Variants in PTH1R observed in about 807,000 individuals in gnomAD.
PTH1R encodes the protein parathyroid hormone/parathyroid hormone-related peptide receptor.
Under a neutral mutation model 70.7 loss-of-function variants are expected in PTH1R, and 32 were observed. That is an observed-to-expected ratio of 0.45 (90% CI 0.34 to 0.61). The LOEUF is 0.61. PTH1R is among the 20% of genes least tolerant of loss of function. The pLI, the probability that PTH1R is intolerant of heterozygous loss-of-function variation, is 0.01. For missense variants in PTH1R, 626 were observed against 792.5 expected (o/e 0.79, Z 2.52); for synonymous variants, 329 against 324.8 (o/e 1.01, Z -0.14).
Position 46,901,391 on chromosome 3 carries a change from G to T in PTH1R, c.1050-23G>T. The T allele has an allele frequency of 5.1e-6, 8 of 1,558,650 alleles. No individual in the cohort carries two copies. Among genetic ancestry groups the T allele is most frequent in the Non-Finnish European group, 6.1e-6 (7 of 1,150,622 alleles). The stretch of plus-strand genomic sequence containing the variant: ...TAGGATGGGAACAGGAGGGATGGGA[G>T]CTAATGCCTCAACCTCCCCCAGGTG... On this transcript the variant is annotated intron_variant, in intron 11 of 15. Transcript: ENST00000449590. The surrounding 1 kb of genome is among the most constrained non-coding windows in gnomAD (Gnocchi z 7.3).
chr3:46,883,625 G>T lies in PTH1R; in HGVS notation c.66G>T (p.Ala22=), dbSNP rs1023200257. Residue 22 remains alanine, a synonymous_variant, in exon 3 of 16, where the codon GCG becomes GCT. Transcript: ENST00000449590. The surrounding 1 kb of genome is among the most constrained non-coding windows in gnomAD (Gnocchi z 6.4). ...TCTGCTGCCCCGTGCTCAGCTCCGC[G>T]TACGCGCTGGTGAGTCCCCCGCCGC... ...LLLCCPVLSS[A]YALVDADDVM... 6.5e-7 allele frequency: 1 copy of T among 1,545,232 alleles called. No homozygotes were observed. The highest frequency in any genetic ancestry group is 8.7e-7 in the Non-Finnish European group (1 of 1,146,742).
At position 46,898,868 on chromosome 3, in the gene PTH1R, C is replaced by T; in HGVS notation, c.834+11C>T. 5 of 1,507,438 alleles carry T rather than the reference C, an allele frequency of 3.3e-6. No homozygotes were observed. Among genetic ancestry groups the T allele is most frequent in the Non-Finnish European group, 4.4e-6 (5 of 1,127,524 alleles). 93.4% of individuals were successfully genotyped at this position (1,507,438 alleles called of 1,614,324 possible). A position where few individuals can be genotyped will look rare whatever the true frequency, so the allele number is the denominator to read the frequency against. The stretch of plus-strand genomic sequence containing the variant: ...GCCGCTGCCGGCTACGTGAGTACCC[C>T]TCTGCCCGCCCGCTCCCGGTGCCGC... On this transcript the variant is annotated intron_variant, in intron 9 of 15. Transcript: ENST00000449590.
At chr3:46,885,784 G>A (rs77644242) in intron 3 of PTH1R, among the ~76,000 whole-genome samples, 2,609 of 152,230 alleles carry the variant, frequency 0.017, 74 homozygotes, top group African/African-American at 0.058. Flanking sequence ...ACTCATCTGG[G>A]GCCAGCAAGA....
rs557878205 is a variant in PTH1R, at chr3:46,894,801, G to A, written c.178+792G>A. Among the ~76,000 whole-genome samples, 5 of 152,146 alleles carry A rather than the reference G, an allele frequency of 3.3e-5. No homozygotes were observed. In the East Asian group the frequency reaches 7.7e-4, roughly 23 times the overall value. On this transcript the variant is annotated intron_variant, in intron 4 of 15. Transcript: ENST00000449590. ...AGGACCAGGGGGGCCTAGCTTGGGC[G>A]GTGGCTGAAGGAATACAAGTCAGAA...
rs116789130 is a variant in PTH1R at position 46,895,772 on chromosome 3, G to A, written c.216G>A (p.Ala72=). Residue 72 remains alanine, a synonymous_variant, in exon 5 of 16, where the codon GCG becomes GCA. Transcript: ENST00000449590. ...IMESDKGWTS[A]STSGKPRKDK... ...AATCAGACAAGGGATGGACATCTGC[G>A]TCCACATCAGGGAAGCCCAGGAAAG... 1,882 of 1,614,128 alleles carry A rather than the reference G, an allele frequency of 1.2e-3. 10 individuals carry two copies. The African/African-American group carries it at 0.014, about 12-fold the overall frequency.
At position 46,898,977 on chromosome 3, in the gene PTH1R, C is replaced by A. The variant is rs1368718433; in HGVS notation, c.834+120C>A. On this transcript the variant is annotated intron_variant, in intron 9 of 15. Transcript: ENST00000449590. ...CTCCTGCCAGCGCCACTGGCTTCAGCCACTCAAACCCGTCTTATAGGGTCC... is the reference window on the plus strand; with the variant it reads ...CTCCTGCCAGCGCCACTGGCTTCAGACACTCAAACCCGTCTTATAGGGTCC... The A allele has an allele frequency of 7.8e-6, 6 of 768,224 alleles. No homozygotes were observed. The South Asian group carries it at 1.0e-4, about 13-fold the overall frequency. 47.6% of individuals were successfully genotyped at this position (768,224 alleles called of 1,614,324 possible).
Position 46,883,627 on chromosome 3 carries a change from A to T in PTH1R, c.68A>T (p.Tyr23Phe). The T allele has an allele frequency of 6.5e-7, 1 of 1,545,238 alleles. No individual in the cohort carries two copies. The highest frequency in any genetic ancestry group is 8.7e-7 in the Non-Finnish European group (1 of 1,146,726). The change falls in exon 3 of 16, where the codon TAC becomes TTC. Residue 23 changes from tyrosine to phenylalanine, a missense_variant. This residue lies in a region of PTH1R where 123 missense variants were observed against 125.7 expected (regional missense o/e 0.98). Coordinates refer to ENST00000449590, the MANE Select transcript of PTH1R (RefSeq NM_000316.3). The surrounding 1 kb of genome is among the most constrained non-coding windows in gnomAD (Gnocchi z 6.4). ...TGCTGCCCCGTGCTCAGCTCCGCGT[A>T]CGCGCTGGTGAGTCCCCCGCCGCCA... is the stretch of plus-strand genomic sequence containing the variant. Reference protein sequence around the residue: ...LLCCPVLSSAYALVDADDVMT... With the variant: ...LLCCPVLSSAFALVDADDVMT...
In PTH1R at chr3:46,898,193, G is replaced by C; in HGVS notation, c.543+1G>C. On this transcript the variant is annotated splice_donor_variant, in intron 7 of 15. Coordinates refer to ENST00000449590, the MANE Select transcript of PTH1R (RefSeq NM_000316.3). LOFTEE classifies it high-confidence loss of function. The stretch of plus-strand genomic sequence containing the variant: ...TCTCACCAATGAGACTCGTGAACGG[G>C]TGCGAGCCTTTCTCCTCCCCAACCT... The C allele has an allele frequency of 6.2e-7, 1 of 1,613,996 alleles. No individual in the cohort carries two copies. The highest frequency in any genetic ancestry group is 8.5e-7 in the Non-Finnish European group (1 of 1,179,892).
At chr3:46,899,085 T>A (rs1459908393) in intron 9 of PTH1R, among the ~76,000 whole-genome samples, 1 of 152,216 alleles carries the variant, frequency 6.6e-6, no homozygotes, top group East Asian at 1.9e-4. Flanking sequence ...TCAAGGCTCC[T>A]ACCTCAACCC....
At chr3:46,890,973 G>C (rs1465997868) in intron 3 of PTH1R, among the ~76,000 whole-genome samples, 1 of 152,206 alleles carries the variant, frequency 6.6e-6, no homozygotes, top group Non-Finnish European at 1.5e-5. Flanking sequence ...GAACAGGAGT[G>C]GGGGCATTCC....
At position 46,901,752 on chromosome 3, in the gene PTH1R, C is replaced by T. The variant is rs2032137548; in HGVS notation, c.1117-14C>T. On this transcript the variant is annotated splice_polypyrimidine_tract_variant and intron_variant, in intron 12 of 15. Transcript: ENST00000449590. The surrounding 1 kb of genome is among the most constrained non-coding windows in gnomAD (Gnocchi z 7.3). Reference sequence around the variant, plus strand: ...AGGGTGCAGCCTCCAGACGCAGCCCCCTCACTCCCACAGCTCAACTTCATC... The same window carrying T: ...AGGGTGCAGCCTCCAGACGCAGCCCTCTCACTCCCACAGCTCAACTTCATC... The T allele has an allele frequency of 1.2e-6, 2 of 1,612,202 alleles. No individual in the cohort carries two copies. The highest frequency in any genetic ancestry group is 4.5e-5 in the East Asian group (2 of 44,882).
At chr3:46,888,637 T>C (rs757517449) in intron 3 of PTH1R, among the ~76,000 whole-genome samples, 1 of 151,756 alleles carries the variant, frequency 6.6e-6, no homozygotes, top group Non-Finnish European at 1.5e-5. Flanking sequence ...TCAGAGACCT[T>C]CAAACCCTTA....
chr3:46,892,754 C>A lies in PTH1R; in HGVS notation c.76-1153C>A, dbSNP rs1048908884. The A allele has an allele frequency of 1.0e-6, 1 of 985,620 alleles. No homozygotes were observed. The highest frequency in any genetic ancestry group is 6.1e-5 in the Admixed American group (1 of 16,270). 61.1% of individuals were successfully genotyped at this position (985,620 alleles called of 1,614,324 possible). On this transcript the variant is annotated intron_variant, in intron 3 of 15. Transcript: ENST00000449590. The surrounding 1 kb of genome is among the most constrained non-coding windows in gnomAD (Gnocchi z 5.2). ...TGCTCGGACTGCAGGGCCCCGGCCC[C>A]GCCTTGGCGCGTCTGAAGGATGCAG...
At position 46,891,227 on chromosome 3, in the gene PTH1R, A is replaced by G. The variant is rs887856201; in HGVS notation, c.76-2680A>G. ...GCACATATCTTTCCCTCTCCTGAAC[A>G]TCCCAACTCCAGAAAAAGGGGTGTG... On this transcript the variant is annotated intron_variant, in intron 3 of 15. Coordinates refer to ENST00000449590, the MANE Select transcript of PTH1R (RefSeq NM_000316.3). The surrounding 1 kb of genome is among the most constrained non-coding windows in gnomAD (Gnocchi z 4.3). 6.6e-6 allele frequency among the ~76,000 whole-genome samples: 1 copy of G among 152,218 alleles called. No individual in the cohort carries two copies. The highest frequency in any genetic ancestry group is 1.5e-5 in the Non-Finnish European group (1 of 68,036).
Position 46,892,176 on chromosome 3 carries a change from A to ATC in PTH1R, c.76-1729_76-1728dup, listed in dbSNP as rs771726411. Among the ~76,000 whole-genome samples the ATC allele has an allele frequency of 5.9e-5, 9 of 152,148 alleles. No individual in the cohort carries two copies. The highest frequency in any genetic ancestry group is 7.4e-5 in the Non-Finnish European group (5 of 68,002). On this transcript the variant is annotated intron_variant, in intron 3 of 15. Coordinates refer to ENST00000449590, the MANE Select transcript of PTH1R (RefSeq NM_000316.3). This position sits in a 1 kb window ranked among gnomAD's most constrained non-coding sequence, Gnocchi z 5.2. Reference sequence around the variant, plus strand: ...TTAGGCCAGCCGCCAGCACGTGAGGATCTGCTCCAGCCCTTCCTGGGGTCC... The same window carrying ATC: ...TTAGGCCAGCCGCCAGCACGTGAGGATCTCTGCTCCAGCCCTTCCTGGGGTCC...
Position 46,877,859 on chromosome 3 carries a change from G to C in PTH1R, c.-106+16G>C, listed in dbSNP as rs925836387. The C allele has an allele frequency of 6.6e-6, 1 of 152,288 alleles. No individual in the cohort carries two copies. Among genetic ancestry groups the C allele is most frequent in the Non-Finnish European group, 1.5e-5 (1 of 68,078 alleles). 9.4% of individuals were successfully genotyped at this position (152,288 alleles called of 1,614,324 possible). On this transcript the variant is annotated intron_variant, in intron 1 of 15. Transcript: ENST00000449590. ...TGGGCTGCAGGTGAGTGGGGGCCAG[G>C]GGAGCCTAGGGGCCTGAGCACAGCT...
At position 46,901,658 on chromosome 3, in the gene PTH1R, A is replaced by G; in HGVS notation, c.1117-108A>G. The G allele has an allele frequency of 1.4e-6, 2 of 1,406,224 alleles. No homozygotes were observed. The highest frequency in any genetic ancestry group is 2.0e-6 in the Non-Finnish European group (2 of 998,612). 87.1% of individuals were successfully genotyped at this position (1,406,224 alleles called of 1,614,324 possible). On this transcript the variant is annotated intron_variant, in intron 12 of 15. Transcript: ENST00000449590. The surrounding 1 kb of genome is among the most constrained non-coding windows in gnomAD (Gnocchi z 7.3). ...AGAAAGGAAAACCAAGGGCTCAAGG[A>G]GCCACCCAGAGATGCAGTGACAGAG... is the stretch of plus-strand genomic sequence containing the variant.
chr3:46,894,054 G>A, intron 4 of PTH1R, 45 bp downstream of exon 4: 1 of 1,589,284 alleles, frequency 6.3e-7, no homozygotes, highest in Non-Finnish European at 8.6e-7. Context: ...TCAGGTGAGG[G>A]AGGGGCCAGT....
At position 46,892,361 on chromosome 3, in the gene PTH1R, C is replaced by T. The variant is rs1164706954; in HGVS notation, c.76-1546C>T. ...ACATGTGCACGTGCATGCTCACAAACACGTCCGGCTCGCGTCCCATACTGA... is the reference window on the plus strand; with the variant it reads ...ACATGTGCACGTGCATGCTCACAAATACGTCCGGCTCGCGTCCCATACTGA... On this transcript the variant is annotated intron_variant, in intron 3 of 15. Transcript: ENST00000449590. The surrounding 1 kb of genome is among the most constrained non-coding windows in gnomAD (Gnocchi z 5.2). Among the ~76,000 whole-genome samples the T allele has an allele frequency of 6.6e-6, 1 of 152,246 alleles. No homozygotes were observed. Among genetic ancestry groups the T allele is most frequent in the Admixed American group, 6.5e-5 (1 of 15,294 alleles).
Sources: gnomAD v4.1 joint callset for allele counts (sites outside exome capture counted in the v4.1 genomes callset) on GRCh38, gnomAD v4.1.1 for gene constraint, gnomAD v4.1.1 regional missense constraint, Gnocchi (gnomAD v3.1) non-coding constraint, MANE v1.5 for transcripts, NCBI Gene and HGNC (gene_info 2026-07-23, HGNC 2026-07-21) for gene names.